Variants in KDM2B observed in about 807,000 individuals in gnomAD.
The protein encoded by KDM2B is lysine demethylase 2B.
A neutral mutation model predicts 150.0 loss-of-function variants in KDM2B; 26 were observed. The ratio of observed to expected loss-of-function variants is 0.17; its 90% confidence interval spans 0.13 to 0.24. The LOEUF (loss-of-function observed/expected upper bound fraction) is 0.24. Among genes scored for constraint, KDM2B ranks in the 10% least tolerant of loss-of-function variants. KDM2B has a pLI of 1.00. For missense variants in KDM2B, 1,265 were observed against 1,816.9 expected, an observed-to-expected ratio of 0.70 and a Z score of 5.52; for synonymous variants, 734 against 729.5, an observed-to-expected ratio of 1.01 and a Z score of -0.10.
chr12:121,436,545 ATAAAG>A (rs1198516582), intron 22 of KDM2B, among the ~76,000 whole-genome samples: 1 of 151,694 alleles, frequency 6.6e-6, no homozygotes, highest in African/African-American at 2.4e-5. Context: ...AAGTTGTATG[ATAAAG>A]TAAGGGAAAA....
chr12:121,446,198 A>T (rs1434570664), intron 13 of KDM2B, among the ~76,000 whole-genome samples: 1 of 152,276 alleles, frequency 6.6e-6, no homozygotes, highest in East Asian at 1.9e-4. Context: ...GATCGAGACC[A>T]TCCCGGCTAC....
chr12:121,501,198 G>T (rs1884511342), intron 11 of KDM2B, among the ~76,000 whole-genome samples: 1 of 151,660 alleles, frequency 6.6e-6, no homozygotes, highest in Non-Finnish European at 1.5e-5. Flanking sequence ...TTTGGACAGA[G>T]ACACAAAGAA....
chr12:121,504,796 T>C (rs1555302663), intron 11 of KDM2B, among the ~76,000 whole-genome samples: 1 of 152,010 alleles, frequency 6.6e-6, no homozygotes, highest in African/African-American at 2.4e-5. Flanking sequence ...CTGGCCAATG[T>C]GATGAAACCC....
rs1179481817 is a variant in KDM2B at position 121,520,096 on chromosome 12, G to A, written c.1047+889C>T. Among the ~76,000 whole-genome samples the A allele has an allele frequency of 6.6e-6, 1 of 152,034 alleles. No individual in the cohort carries two copies. Among genetic ancestry groups the A allele is most frequent in the African/African-American group, 2.4e-5 (1 of 41,388 alleles). ...GGTAAAGACAGGGTTTCATCATGTT[G>A]GCCTGGCTGGTCTCGAACTCCTGAC... On this transcript the variant is annotated intron_variant, in intron 9 of 22. Coordinates refer to ENST00000377071, the MANE Select transcript of KDM2B (RefSeq NM_032590.5). This position sits in a 1 kb window ranked among gnomAD's most constrained non-coding sequence, Gnocchi z 4.5.
At chr12:121,443,592 G>C in intron 17 of KDM2B, 88 bp downstream of exon 17, 6 of 793,570 alleles carry the variant, frequency 7.6e-6, no homozygotes, top group East Asian at 2.4e-5. Context: ...AGGCAGCAGT[G>C]GGGTGGAGGA....
chr12:121,509,100 C>T (rs1343816295), intron 11 of KDM2B, among the ~76,000 whole-genome samples: 2 of 152,134 alleles, frequency 1.3e-5, no homozygotes, highest in Non-Finnish European at 1.5e-5. Flanking sequence ...GCTCTGTTGC[C>T]CAGGCTGGAG....
the KDM2B span, among the ~76,000 whole-genome samples, chr12:121,413,117 C>T: frequency 1.4e-5 from 2 of 147,022 alleles, no homozygotes. Context: ...CCTCCGCCTC[C>T]CCGGTTCAAG....
chr12:121,503,841 G>A lies in KDM2B; in HGVS notation c.1647+5726C>T, dbSNP rs1296985384. The stretch of plus-strand genomic sequence containing the variant: ...TGAGGACACTGCAGTTTCACCCAAG[G>A]GTAAGTGCTTCAGAATGGCCATAAG... On this transcript the variant is annotated intron_variant, in intron 11 of 22. Coordinates refer to ENST00000377071, the MANE Select transcript of KDM2B (RefSeq NM_032590.5). 6.6e-5 allele frequency among the ~76,000 whole-genome samples: 10 copies of A among 152,188 alleles called. 1 individual carries two copies. The highest frequency in any genetic ancestry group is 5.9e-4 in the Admixed American group (9 of 15,278).
intron 12 of KDM2B, among the ~76,000 whole-genome samples, chr12:121,488,437 C>T (rs1226403124): frequency 3.3e-5 from 5 of 152,114 alleles, no homozygotes; most frequent in South Asian, 2.1e-4. Context: ...ACCACAGGCC[C>T]GCAAGAAAGG....
chr12:121,434,732 T>C (rs1375667526), intron 22 of KDM2B, among the ~76,000 whole-genome samples: 1 of 150,262 alleles, frequency 6.7e-6, no homozygotes, highest in East Asian at 2.0e-4. Context: ...CCAAGGCGGG[T>C]GGATCACAAG....
In KDM2B at chr12:121,519,861, C is replaced by CT. The variant is rs544478488; in HGVS notation, c.1047+1123dup. 9.7e-4 allele frequency among the ~76,000 whole-genome samples: 148 copies of CT among 152,092 alleles called. 1 individual carries two copies. The South Asian group carries it at 0.015, about 16-fold the overall frequency. ...GGAACAAGTAGAACAAGAAATGGGA[C>CT]TTTTTTACCCCAAGTCTCTGGGTTT... On this transcript the variant is annotated intron_variant, in intron 9 of 22. Coordinates refer to ENST00000377071, the MANE Select transcript of KDM2B (RefSeq NM_032590.5).
the KDM2B span, among the ~76,000 whole-genome samples, chr12:121,413,325 C>T: frequency 1.3e-5 from 2 of 152,108 alleles, no homozygotes; most frequent in African/African-American, 2.4e-5. Flanking sequence ...CTGAGCCTGG[C>T]CAGATTTTCA....
intron 6 of KDM2B, among the ~76,000 whole-genome samples, chr12:121,544,007 G>A (rs914536375): frequency 1.4e-4 from 21 of 151,392 alleles, no homozygotes; most frequent in African/African-American, 4.6e-4. Context: ...CCAGCTGCTC[G>A]GGAGGCTGAG....
chr12:121,482,415 G>T (rs1377537266), intron 12 of KDM2B, among the ~76,000 whole-genome samples: 2 of 152,048 alleles, frequency 1.3e-5, no homozygotes, highest in Non-Finnish European at 2.9e-5. Context: ...CAATTCTCCT[G>T]CCTCAGCCTC....
At chr12:121,554,423 A>G (rs1255782053) in intron 4 of KDM2B, among the ~76,000 whole-genome samples, 1 of 143,828 alleles carries the variant, frequency 7.0e-6, no homozygotes, top group East Asian at 2.0e-4. Context: ...TTTTTTTTTG[A>G]GACAAAGTCT....
intron 12 of KDM2B, among the ~76,000 whole-genome samples, chr12:121,484,482 T>C (rs1057047130): frequency 2.6e-5 from 4 of 152,146 alleles, no homozygotes; most frequent in African/African-American, 9.7e-5. Context: ...AGATGGCGAC[T>C]TGGGCACTCA....
intron 10 of KDM2B, 38 bp from the exon 11 acceptor site, chr12:121,510,077 C>T (rs782146263): frequency 4.7e-6 from 7 of 1,493,090 alleles, no homozygotes; most frequent in South Asian, 1.3e-5. Context: ...CGAGATGACA[C>T]CTAACTCCCT....
downstream of KDM2B, among the ~76,000 whole-genome samples, chr12:121,425,659 G>GT (rs1412982293): frequency 1.3e-5 from 2 of 152,092 alleles, no homozygotes; most frequent in African/African-American, 4.8e-5. Context: ...CCTCCCACTT[G>GT]TTTGTCTGCA....
chr12:121,473,115 G>A (rs782539394), intron 12 of KDM2B, among the ~76,000 whole-genome samples: 6 of 152,156 alleles, frequency 3.9e-5, no homozygotes, highest in Non-Finnish European at 8.8e-5. Context: ...GACAGGTTGG[G>A]CGCAGTGGCT....
Sources: gnomAD v4.1 joint callset for allele counts (sites outside exome capture counted in the v4.1 genomes callset) on GRCh38, gnomAD v4.1.1 for gene constraint, Gnocchi (gnomAD v3.1) non-coding constraint, MANE v1.5 for transcripts, NCBI Gene and HGNC (gene_info 2026-07-23, HGNC 2026-07-21) for gene names.